PHC2: variants seen among roughly 807,000 people sequenced by gnomAD.
PHC2 encodes the protein polyhomeotic-like protein 2.
Under a neutral mutation model 87.4 loss-of-function variants are expected in PHC2, and 29 were observed. The ratio of observed to expected loss-of-function variants is 0.33; its 90% CI spans 0.25 to 0.45. The LOEUF is 0.45. Ranked by LOEUF, PHC2 falls within the 20% of genes least tolerant of loss-of-function variation. The pLI, the probability that PHC2 is intolerant of heterozygous loss-of-function variation, is 1.00. For synonymous variants in PHC2, 438 were observed against 461.7 expected (o/e 0.95, Z 0.66); for missense variants, 857 against 1,136.7 (o/e 0.75, Z 3.54).
Position 33,325,023 on chromosome 1 carries a change from A to AG in PHC2, c.2426-5dup. On this transcript the variant is annotated splice_polypyrimidine_tract_variant and splice_region_variant and intron_variant, in intron 14 of 14. Coordinates refer to ENST00000683057, the MANE Select transcript of PHC2 (RefSeq NM_001385109.1). ...TCCTCTGCTATCTCCTGGCAGCCTG[A>AG]GGGGGTACCACCAAAGACAGTGTCA... 1.2e-6 allele frequency: 2 copies of AG among 1,607,930 alleles called. No homozygotes were observed. The highest frequency in any genetic ancestry group is 4.5e-5 in the East Asian group (2 of 44,708).
intron 2 of PHC2, 134 bp from the exon 3 acceptor site, chr1:33,372,581 CCAAT>C: frequency 1.8e-6 from 1 of 547,098 alleles, no homozygotes; most frequent in Non-Finnish European, 2.7e-6. Context: ...ACCACCACAG[CCAAT>C]TGTGGCCACT....
At chr1:33,339,261 A>G (rs987212133) in intron 9 of PHC2, among the ~76,000 whole-genome samples, 7 of 152,190 alleles carry the variant, frequency 4.6e-5, no homozygotes, top group Non-Finnish European at 1.0e-4. Context: ...TGTGGCATCC[A>G]TGATCTCAGT....
intron 9 of PHC2, among the ~76,000 whole-genome samples, chr1:33,352,779 C>G (rs773779433): frequency 1.4e-4 from 21 of 152,162 alleles, no homozygotes; most frequent in Non-Finnish European, 2.2e-4. Flanking sequence ...CATTCGTGCA[C>G]CATCCTGATG....
chr1:33,426,626 C>G (rs976492693), intron 1 of PHC2, among the ~76,000 whole-genome samples: 7 of 152,160 alleles, frequency 4.6e-5, no homozygotes, highest in African/African-American at 1.7e-4. Flanking sequence ...TTCCTTGCCT[C>G]TTTATTCTCT....
At chr1:33,328,820 TTC>T in intron 14 of PHC2, 48 bp downstream of exon 14, 1 of 1,545,394 alleles carries the variant, frequency 6.5e-7, no homozygotes, top group East Asian at 2.3e-5. Context: ...GTCTCTCATT[TTC>T]TCTTTCCTTG....
intron 1 of PHC2, among the ~76,000 whole-genome samples, chr1:33,393,775 A>G (rs1013335114): frequency 5.3e-5 from 1 of 18,980 alleles, no homozygotes; most frequent in Non-Finnish European, 1.0e-4. Flanking sequence ...CATGGGGACA[A>G]CGAAGAGATG....
chr1:33,414,535 T>C (rs1650125764), intron 1 of PHC2, among the ~76,000 whole-genome samples: 1 of 152,208 alleles, frequency 6.6e-6, no homozygotes. Context: ...AAATAGACAG[T>C]AGGGCAGTTA....
intron 1 of PHC2, among the ~76,000 whole-genome samples, chr1:33,400,355 C>T (rs558285771): frequency 1.2e-4 from 18 of 152,312 alleles, no homozygotes; most frequent in African/African-American, 4.3e-4. Context: ...CATTGTTTGT[C>T]ATAGCAAAAA....
chr1:33,369,937 T>A lies in PHC2; in HGVS notation c.576+484A>T, dbSNP rs1247403030. ...CTGCCCAAACAAGCTCACCTGACCC[T>A]GATTAGAATGGGGGCCGCTGGGAGG... On this transcript the variant is annotated intron_variant, in intron 5 of 14. Coordinates refer to ENST00000683057, the MANE Select transcript of PHC2 (RefSeq NM_001385109.1). This position sits in a 1 kb window ranked among gnomAD's most constrained non-coding sequence, Gnocchi z 4.7. Among the ~76,000 whole-genome samples, 4 of 152,040 alleles carry A rather than the reference T, an allele frequency of 2.6e-5. No individual in the cohort carries two copies. Among genetic ancestry groups the A allele is most frequent in the Non-Finnish European group, 2.9e-5 (2 of 68,022 alleles).
intron 1 of PHC2, among the ~76,000 whole-genome samples, chr1:33,379,689 C>CTT (rs1312859158): frequency 1.3e-5 from 2 of 150,690 alleles, no homozygotes; most frequent in African/African-American, 2.5e-5. Flanking sequence ...CTCCCTCACT[C>CTT]TGCCTTGGCT....
At chr1:33,377,081 A>C (rs1648223775) in intron 1 of PHC2, among the ~76,000 whole-genome samples, 1 of 152,198 alleles carries the variant, frequency 6.6e-6, no homozygotes, top group Non-Finnish European at 1.5e-5. Flanking sequence ...TTAAAATCTC[A>C]GGTTGTGGAA....
At chr1:33,374,399 C>T (rs1489882958) in intron 2 of PHC2, among the ~76,000 whole-genome samples, 1 of 152,162 alleles carries the variant, frequency 6.6e-6, no homozygotes, top group Non-Finnish European at 1.5e-5. Flanking sequence ...GGGCCAGGTG[C>T]TGGGGCTAGG....
chr1:33,405,252 G>A lies in PHC2; in HGVS notation c.-55+25724C>T, dbSNP rs187420593. ...GTCGCCCAGGCTGGAATGCAGTGGCGCAATCTTGGCTCGCTGCAACCTCCA... is the reference window on the plus strand; with the variant it reads ...GTCGCCCAGGCTGGAATGCAGTGGCACAATCTTGGCTCGCTGCAACCTCCA... On this transcript the variant is annotated intron_variant, in intron 1 of 14. Transcript: ENST00000683057. 1.5e-4 allele frequency among the ~76,000 whole-genome samples: 22 copies of A among 151,142 alleles called. No individual in the cohort carries two copies. In the East Asian group the frequency reaches 2.9e-3, roughly 20 times the overall value.
intron 7 of PHC2, among the ~76,000 whole-genome samples, chr1:33,356,901 GC>G (rs1418642495): frequency 4.6e-5 from 7 of 152,128 alleles, no homozygotes; most frequent in South Asian, 2.1e-4. Context: ...CCCAGACGGG[GC>G]GGCGGCCGGG....
intron 1 of PHC2, among the ~76,000 whole-genome samples, chr1:33,384,057 C>A (rs536017810): frequency 3.0e-4 from 46 of 152,162 alleles, no homozygotes; most frequent in Non-Finnish European, 6.0e-4. Flanking sequence ...CTCAACCTGA[C>A]CAGCCTAAAA....
intron 1 of PHC2, among the ~76,000 whole-genome samples, chr1:33,403,987 A>G (rs1649650437): frequency 6.6e-6 from 1 of 152,158 alleles, no homozygotes; most frequent in South Asian, 2.1e-4. Flanking sequence ...CTTTCTCTCT[A>G]GACACTCACA....
intron 1 of PHC2, among the ~76,000 whole-genome samples, chr1:33,397,297 G>A (rs987611127): frequency 5.9e-5 from 9 of 152,182 alleles, no homozygotes; most frequent in African/African-American, 1.9e-4. Context: ...CCCGGGAACA[G>A]GTCACAGGCC....
At chr1:33,398,334 A>G (rs765577894) in intron 1 of PHC2, among the ~76,000 whole-genome samples, 2 of 152,224 alleles carry the variant, frequency 1.3e-5, no homozygotes, top group African/African-American at 2.4e-5. Flanking sequence ...ACTTTTGTCT[A>G]ATAGGCTTCC....
chr1:33,402,629 T>C (rs982805096), intron 1 of PHC2, among the ~76,000 whole-genome samples: 5 of 152,144 alleles, frequency 3.3e-5, no homozygotes, highest in Non-Finnish European at 7.4e-5. Flanking sequence ...GAAAATGACA[T>C]ACAATCTCAG....
Sources: gnomAD v4.1 joint callset for allele counts (sites outside exome capture counted in the v4.1 genomes callset) on GRCh38, gnomAD v4.1.1 for gene constraint, Gnocchi (gnomAD v3.1) non-coding constraint, MANE v1.5 for transcripts, NCBI Gene and HGNC (gene_info 2026-07-23, HGNC 2026-07-21) for gene names.